The following TMEM132C variants were observed in gnomAD, a reference collection of about 807,000 sequenced individuals.
The protein encoded by TMEM132C is protein phosphatase 1, regulatory subunit 152.
TMEM132C carries 29 observed loss-of-function variants against 61.4 expected under a neutral mutation model. The ratio of observed to expected loss-of-function variants is 0.47; its 90% CI spans 0.35 to 0.64. TMEM132C has a LOEUF of 0.64. Ranked by LOEUF, TMEM132C falls within the 30% of genes least tolerant of loss-of-function variation. The probability of loss-of-function intolerance (pLI) is 0.00; values close to 1 mark genes in which losing one functional copy is unlikely to be tolerated. For missense variants in TMEM132C, 1,408 were observed against 1,476.9 expected, an observed-to-expected ratio of 0.95 and a Z score of 0.76; for synonymous variants, 656 against 633.1, an observed-to-expected ratio of 1.04 and a Z score of -0.54.
intron 4 of TMEM132C, among the ~76,000 whole-genome samples, chr12:128,649,380 G>T (rs978880086): frequency 1.3e-5 from 2 of 152,180 alleles, no homozygotes; most frequent in African/African-American, 4.8e-5. Flanking sequence ...GCTTGGAAGG[G>T]ACACACATCA....
chr12:128,481,999 C>T (rs79301707), intron 2 of TMEM132C, among the ~76,000 whole-genome samples: 14,077 of 152,236 alleles, frequency 0.092, 765 homozygotes, highest in Middle Eastern at 0.12. Context: ...GGGAATGCTT[C>T]TGCCCATTCA....
chr12:128,504,490 G>A (rs1434572236), intron 2 of TMEM132C, among the ~76,000 whole-genome samples: 2 of 152,118 alleles, frequency 1.3e-5, no homozygotes, highest in East Asian at 3.9e-4. Flanking sequence ...CCATAGTCTG[G>A]GCAGCTTAAC....
At position 128,706,029 on chromosome 12, in the gene TMEM132C, G is replaced by T. The variant is rs571343490; in HGVS notation, c.3061G>T (p.Val1021Leu). ...GCTCAATGGTGGCTCCCACAAGCAC[G>T]TGCAGAGCCAGATTCACAGGTCAGC... Reference protein sequence around the residue: ...LLLNGGSHKHVQSQIHRSADS... With the variant: ...LLLNGGSHKHLQSQIHRSADS... Residue 1021 changes from valine (V) to leucine (L), a missense_variant, in exon 9 of 9, where the codon GTG becomes TTG. Val to Leu is a conservative substitution (Grantham distance 32, BLOSUM62 1). Coordinates refer to ENST00000435159, the MANE Select transcript of TMEM132C (RefSeq NM_001136103.3). 5 of 1,551,748 alleles carry T rather than the reference G, an allele frequency of 3.2e-6. No homozygotes were observed. The East Asian group carries it at 7.3e-5, about 23-fold the overall frequency.
At chr12:128,369,341 T>C (rs1185622208) in intron 1 of TMEM132C, among the ~76,000 whole-genome samples, 1 of 152,158 alleles carries the variant, frequency 6.6e-6, no homozygotes, top group Non-Finnish European at 1.5e-5. Context: ...TAAAAACTCA[T>C]TTTATTAGTA....
At chr12:128,511,625 C>T (rs1198887249) in intron 2 of TMEM132C, among the ~76,000 whole-genome samples, 4 of 152,236 alleles carry the variant, frequency 2.6e-5, no homozygotes, top group Non-Finnish European at 4.4e-5. Flanking sequence ...CACAACACAC[C>T]TGGAGCATTA....
intron 1 of TMEM132C, among the ~76,000 whole-genome samples, chr12:128,400,519 A>G (rs1322305618): frequency 6.6e-6 from 1 of 151,906 alleles, no homozygotes; most frequent in East Asian, 1.9e-4. Context: ...TGTTCTGCAC[A>G]GTGTAGGATG....
At chr12:128,464,257 T>C (rs1243298889) in intron 2 of TMEM132C, among the ~76,000 whole-genome samples, 5 of 152,200 alleles carry the variant, frequency 3.3e-5, no homozygotes, top group African/African-American at 4.8e-5. Flanking sequence ...GGTAACACTC[T>C]TCAGGACTGA....
intron 5 of TMEM132C, among the ~76,000 whole-genome samples, chr12:128,692,963 G>GT (rs1954730835): frequency 6.6e-6 from 1 of 152,188 alleles, no homozygotes; most frequent in Non-Finnish European, 1.5e-5. Context: ...GGGAACATAG[G>GT]TTGGTAGTCC....
intron 1 of TMEM132C, among the ~76,000 whole-genome samples, chr12:128,327,759 A>C (rs891651822): frequency 2.0e-5 from 3 of 152,146 alleles, no homozygotes; most frequent in Non-Finnish European, 4.4e-5. Flanking sequence ...GGTTCGGTCC[A>C]GAAAGGCACA....
At chr12:128,692,615 T>C (rs1954728332) in intron 5 of TMEM132C, among the ~76,000 whole-genome samples, 2 of 152,214 alleles carry the variant, frequency 1.3e-5, no homozygotes, top group African/African-American at 4.8e-5. Flanking sequence ...TCTTGTCTTA[T>C]AATCTTCTGT....
intron 2 of TMEM132C, among the ~76,000 whole-genome samples, chr12:128,468,706 A>G (rs916223875): frequency 1.3e-5 from 2 of 152,202 alleles, no homozygotes; most frequent in African/African-American, 4.8e-5. Flanking sequence ...GCAAAGTCAG[A>G]ATTTCCCAAA....
intron 1 of TMEM132C, among the ~76,000 whole-genome samples, chr12:128,405,455 C>T (rs910976114): frequency 3.4e-4 from 51 of 152,120 alleles, no homozygotes; most frequent in South Asian, 2.1e-4. Context: ...ATCGCCTGTT[C>T]AACCATATGA....
intron 3 of TMEM132C, among the ~76,000 whole-genome samples, chr12:128,586,153 G>C (rs1441019510): frequency 6.6e-6 from 1 of 152,076 alleles, no homozygotes; most frequent in Non-Finnish European, 1.5e-5. Flanking sequence ...GGGGATTTGA[G>C]GAATTAAGGG....
At chr12:128,599,551 C>G (rs1231278052) in intron 3 of TMEM132C, among the ~76,000 whole-genome samples, 1 of 152,186 alleles carries the variant, frequency 6.6e-6, no homozygotes, top group Non-Finnish European at 1.5e-5. Context: ...CTTAAAAAAT[C>G]CTTTTTAACT....
At chr12:128,331,504 T>C (rs1490758289) in intron 1 of TMEM132C, among the ~76,000 whole-genome samples, 1 of 152,194 alleles carries the variant, frequency 6.6e-6, no homozygotes, top group East Asian at 1.9e-4. Flanking sequence ...CACTTATGAG[T>C]AGAAGATGTG....
At chr12:128,695,459 G>A (rs1954752812) in intron 6 of TMEM132C, among the ~76,000 whole-genome samples, 2 of 152,186 alleles carry the variant, frequency 1.3e-5, no homozygotes, top group South Asian at 4.2e-4. Context: ...AGGAGTTCAA[G>A]GCTGCATTGA....
intron 1 of TMEM132C, among the ~76,000 whole-genome samples, chr12:128,334,663 T>C (rs1872749316): frequency 6.6e-6 from 1 of 151,402 alleles, no homozygotes; most frequent in African/African-American, 2.4e-5. Flanking sequence ...TAGCCCAATC[T>C]CAGCTCACTG....
chr12:128,697,427 AAT>A lies in TMEM132C; in HGVS notation c.2121+13_2121+14del. The A allele has an allele frequency of 6.6e-7, 1 of 1,525,252 alleles. No homozygotes were observed. The highest frequency in any genetic ancestry group is 2.0e-5 in the Admixed American group (1 of 50,082). The allele number at this position is 1,525,252 out of a possible 1,614,324, so 94.5% of individuals were successfully genotyped here. ...GGACCCCCAAACAGGTAGGGGGCCA[AAT>A]GCCAGAGGTTCAGAGGGAGCAGGGT... On this transcript the variant is annotated intron_variant, in intron 8 of 8. Transcript: ENST00000435159.
chr12:128,563,956 G>A (rs1874610028), intron 3 of TMEM132C, among the ~76,000 whole-genome samples: 1 of 152,128 alleles, frequency 6.6e-6, no homozygotes, highest in Non-Finnish European at 1.5e-5. Flanking sequence ...CACATGCTTA[G>A]TGTTCCAATA....
Sources: allele counts gnomAD v4.1 joint callset (sites outside exome capture counted in the v4.1 genomes callset), GRCh38; gene constraint gnomAD v4.1.1; transcripts MANE v1.5; gene names NCBI Gene and HGNC (gene_info 2026-07-23, HGNC 2026-07-21).